Variants in TSPAN12 observed in about 807,000 individuals in gnomAD.
TSPAN12 encodes the protein tetraspanin 12.
In TSPAN12, 19 loss-of-function variants were observed where a neutral mutation model predicts 39.2. The ratio of observed to expected loss-of-function variants is 0.49; its 90% CI spans 0.34 to 0.71. The LOEUF is 0.71. Ranked by LOEUF, TSPAN12 falls within the 30% of genes least tolerant of loss-of-function variation. The pLI is 0.01. For missense variants in TSPAN12, 314 were observed against 359.9 expected (o/e 0.87, Z 1.03); for synonymous variants, 119 against 124.8 (o/e 0.95, Z 0.31).
At chr7:120,855,402 G>T (rs1414077377) in intron 2 of TSPAN12, among the ~76,000 whole-genome samples, 1 of 152,140 alleles carries the variant, frequency 6.6e-6, no homozygotes, top group East Asian at 1.9e-4. Flanking sequence ...AAAGCACAAT[G>T]TAGAAAAGTG....
At chr7:120,841,371 A>AT (rs949292121) in intron 2 of TSPAN12, among the ~76,000 whole-genome samples, 9 of 152,178 alleles carry the variant, frequency 5.9e-5, no homozygotes, top group African/African-American at 9.6e-5. Flanking sequence ...CATATGAGAA[A>AT]TTTTACAGGA....
intron 2 of TSPAN12, among the ~76,000 whole-genome samples, chr7:120,853,762 T>C (rs925806984): frequency 1.3e-5 from 2 of 150,254 alleles, no homozygotes; most frequent in Non-Finnish European, 3.0e-5. Context: ...TAGTCCCAGC[T>C]ACTCAGGAGG....
chr7:120,789,634 T>C (rs1161569841), intron 7 of TSPAN12, among the ~76,000 whole-genome samples: 1 of 152,238 alleles, frequency 6.6e-6, no homozygotes, highest in African/African-American at 2.4e-5. Context: ...TAAGCATCTT[T>C]ATATGACACA....
intron 7 of TSPAN12, among the ~76,000 whole-genome samples, chr7:120,791,812 A>C (rs753765940): frequency 2.6e-5 from 4 of 152,128 alleles, no homozygotes; most frequent in African/African-American, 9.7e-5. Flanking sequence ...GGGGAATGAG[A>C]CCTATTAATA....
rs200519776 is a variant in TSPAN12, at chr7:120,788,776, A to G, written c.734T>C (p.Leu245Pro). Residue 245 changes from leucine (L) to proline (P), a missense_variant, in exon 8 of 8, where the codon CTC becomes CCC. Transcript: ENST00000222747. ...ILAMILTITL[L>P]WALYYDRREP... ...CCTTCTATCATAATACAGAGCCCAG[A>G]GCAGAGTAATGGTGAGAATCATGGC... is the stretch of plus-strand genomic sequence containing the variant. 1.9e-6 allele frequency: 3 copies of G among 1,614,160 alleles called. No homozygotes were observed. The highest frequency in any genetic ancestry group is 2.7e-5 in the African/African-American group (2 of 75,046).
intron 7 of TSPAN12, 96 bp downstream of exon 7, chr7:120,806,453 A>G: frequency 7.0e-7 from 1 of 1,437,660 alleles, no homozygotes; most frequent in Non-Finnish European, 9.6e-7. Context: ...TTACATTTAG[A>G]CAGAGAAGGA....
chr7:120,797,559 A>AAGCTCATATTGCCTCCTG (rs1793657654), intron 7 of TSPAN12, among the ~76,000 whole-genome samples: 1 of 152,212 alleles, frequency 6.6e-6, no homozygotes, highest in South Asian at 2.1e-4. Flanking sequence ...TCTGCCTCCG[A>AAGCTCATATTGCCTCCTG]AGCTCATATT....
intron 7 of TSPAN12, among the ~76,000 whole-genome samples, chr7:120,798,643 C>T (rs143361198): frequency 0.012 from 1,816 of 152,212 alleles, 16 homozygotes; most frequent in African/African-American, 0.026. Context: ...GGCAACTATT[C>T]GCAGACTTCA....
intron 7 of TSPAN12, among the ~76,000 whole-genome samples, chr7:120,796,717 A>T (rs1793638571): frequency 6.6e-6 from 1 of 152,158 alleles, no homozygotes; most frequent in African/African-American, 2.4e-5. Context: ...CATACATTGC[A>T]TCATTTCCTT....
intron 6 of TSPAN12, among the ~76,000 whole-genome samples, chr7:120,808,658 G>C (rs1242869459): frequency 6.6e-6 from 1 of 152,112 alleles, no homozygotes; most frequent in Non-Finnish European, 1.5e-5. Context: ...TTTAAAGTTA[G>C]TATTCTAAAA....
chr7:120,856,569 C>T, intron 2 of TSPAN12, 129 bp downstream of exon 2: 1 of 966,906 alleles, frequency 1.0e-6, no homozygotes. Context: ...TTTTACTTCT[C>T]TGAAAAATAA....
At chr7:120,851,258 A>G (rs1794764137) in intron 2 of TSPAN12, among the ~76,000 whole-genome samples, 1 of 152,216 alleles carries the variant, frequency 6.6e-6, no homozygotes, top group African/African-American at 2.4e-5. Flanking sequence ...CCAGAGAAAA[A>G]GAAAGAGAGC....
chr7:120,788,934 A>G (rs1793465058), intron 7 of TSPAN12, 37 bp from the exon 8 acceptor site: 2 of 1,610,296 alleles, frequency 1.2e-6, no homozygotes, highest in Non-Finnish European at 1.7e-6. Context: ...TACTTTAGAT[A>G]TGTTACAGAA....
In TSPAN12 at chr7:120,788,792, G is replaced by C. The variant is rs1273255507; in HGVS notation, c.718C>G (p.Leu240Val). The change falls in exon 8 of 8, where the codon CTC becomes GTC. Residue 240 changes from leucine (L) to valine (V), a missense_variant. By Grantham distance (32) the Leu-to-Val change is conservative. Transcript: ENST00000222747. ...AGAGCCCAGAGCAGAGTAATGGTGA[G>C]AATCATGGCCAGGATTTGTGTCACC... ...IGVTQILAMI[L>V]TITLLWALYY... is the part of the protein sequence containing the mutation. 6.2e-7 allele frequency: 1 copy of C among 1,614,124 alleles called. No homozygotes were observed. Among genetic ancestry groups the C allele is most frequent in the African/African-American group, 1.3e-5 (1 of 75,030 alleles).
chr7:120,816,275 T>C (rs1794080564), intron 4 of TSPAN12, among the ~76,000 whole-genome samples: 1 of 152,120 alleles, frequency 6.6e-6, no homozygotes, highest in Non-Finnish European at 1.5e-5. Context: ...TCTCAACTAC[T>C]GTTGACACTT....
At chr7:120,797,990 AC>A in intron 7 of TSPAN12, among the ~76,000 whole-genome samples, 1 of 152,194 alleles carries the variant, frequency 6.6e-6, no homozygotes, top group African/African-American at 2.4e-5. Context: ...TTCGTAAGGT[AC>A]TTTTTCAGGT....
chr7:120,788,505 T>C lies in TSPAN12; in HGVS notation c.*87A>G. The C allele has an allele frequency of 6.7e-7, 1 of 1,484,682 alleles. No individual in the cohort carries two copies. Among genetic ancestry groups the C allele is most frequent in the Non-Finnish European group, 9.4e-7 (1 of 1,066,686 alleles). 92.0% of individuals were successfully genotyped at this position (1,484,682 alleles called of 1,614,324 possible). A position where few individuals can be genotyped will look rare whatever the true frequency, so the allele number is the denominator to read the frequency against. On this transcript the variant is annotated 3_prime_UTR_variant, in exon 8 of 8. Coordinates refer to ENST00000222747, the MANE Select transcript of TSPAN12 (RefSeq NM_012338.4). Reference sequence around the variant, plus strand: ...TATTTTATGGCAACATTTTTATTTCTACATATTTCTGAAACACATAGTATG... The same window carrying C: ...TATTTTATGGCAACATTTTTATTTCCACATATTTCTGAAACACATAGTATG...
intron 7 of TSPAN12, among the ~76,000 whole-genome samples, chr7:120,790,700 T>G (rs1370721660): frequency 2.0e-5 from 3 of 152,210 alleles, no homozygotes. Context: ...TACTTGCTCC[T>G]GAGACATTAG....
intron 2 of TSPAN12, among the ~76,000 whole-genome samples, chr7:120,854,323 T>C (rs1345805488): frequency 6.6e-6 from 1 of 152,204 alleles, no homozygotes; most frequent in Non-Finnish European, 1.5e-5. Flanking sequence ...ACAATTACTA[T>C]GATTAGTACC....
Sources: gnomAD v4.1 joint callset for allele counts (sites outside exome capture counted in the v4.1 genomes callset) on GRCh38, gnomAD v4.1.1 for gene constraint, MANE v1.5 for transcripts, NCBI Gene and HGNC (gene_info 2026-07-23, HGNC 2026-07-21) for gene names.